EHMT1: variants seen among roughly 807,000 people sequenced by gnomAD.
EHMT1 encodes histone-lysine N-methyltransferase EHMT1.
Under a neutral mutation model 147.2 loss-of-function variants are expected in EHMT1, and 15 were observed. The ratio of observed to expected loss-of-function variants is 0.10; its 90% CI spans 0.07 to 0.16. The LOEUF (loss-of-function observed/expected upper bound fraction) is 0.16, where lower values mean the gene tolerates loss of function less well. EHMT1 is among the 10% of genes least tolerant of loss of function. The pLI is 1.00. For synonymous variants in EHMT1, 795 were observed against 709.6 expected (o/e 1.12, Z -1.91); for missense variants, 1,587 against 1,772.4 (o/e 0.90, Z 1.88).
At chr9:137,800,465 C>T (rs1029805677) in intron 17 of EHMT1, 1 of 255,860 alleles carries the variant, frequency 3.9e-6, no homozygotes, top group South Asian at 4.6e-5. Flanking sequence ...CCTGCTACAG[C>T]CCAGACTTCC....
At chr9:137,766,421 C>A (rs890732678) in intron 10 of EHMT1, among the ~76,000 whole-genome samples, 1 of 152,164 alleles carries the variant, frequency 6.6e-6, no homozygotes, top group Non-Finnish European at 1.5e-5. Context: ...TTGAGACCAT[C>A]GTGGCCAACA....
intron 1 of EHMT1, among the ~76,000 whole-genome samples, chr9:137,691,152 G>A (rs1402732958): frequency 2.0e-5 from 3 of 151,786 alleles, no homozygotes; most frequent in Non-Finnish European, 4.4e-5. Flanking sequence ...CTGTCTCTAA[G>A]ACTTGGACTA....
At chr9:137,626,612 C>T (rs950457531) in intron 1 of EHMT1, among the ~76,000 whole-genome samples, 1 of 150,710 alleles carries the variant, frequency 6.6e-6, no homozygotes, top group Non-Finnish European at 1.5e-5. Context: ...ATCTCTTAGT[C>T]TTTCTTCTAT....
chr9:137,635,077 C>T (rs936444893), intron 1 of EHMT1, among the ~76,000 whole-genome samples: 1 of 151,740 alleles, frequency 6.6e-6, no homozygotes, highest in African/African-American at 2.4e-5. Flanking sequence ...GCAAAAAAGC[C>T]TTTCAGGATC....
intron 18 of EHMT1, among the ~76,000 whole-genome samples, chr9:137,810,134 C>T (rs1194383335): frequency 7.1e-6 from 1 of 141,728 alleles, no homozygotes; most frequent in Non-Finnish European, 1.5e-5. Flanking sequence ...GAGGCGGTTC[C>T]GATGCTGCCC....
At chr9:137,743,637 G>A in intron 5 of EHMT1, 109 bp downstream of exon 5, 1 of 1,510,652 alleles carries the variant, frequency 6.6e-7, no homozygotes, top group Non-Finnish European at 9.1e-7. Flanking sequence ...GAAGGTGCCA[G>A]TGCCATGAAG....
Position 137,757,934 on chromosome 9 carries a change from A to G in EHMT1, c.1424A>G (p.Asp475Gly). The change falls in exon 9 of 27, where the codon GAC becomes GGC. Residue 475 changes from aspartate to glycine, a missense_variant. Asp to Gly is a moderately conservative substitution (Grantham distance 94, BLOSUM62 -1). Around this residue, in one of 7 missense-constraint regions of EHMT1, gnomAD observed 810 missense variants for 673.0 expected, o/e 1.20. Coordinates refer to ENST00000460843, the MANE Select transcript of EHMT1 (RefSeq NM_024757.5). Reference sequence around the variant, plus strand: ...AGCGCTGAGCAGACGGCACCAGGAGACAGCACAGGGTACATGGAAGTTTCT... The same window carrying G: ...AGCGCTGAGCAGACGGCACCAGGAGGCAGCACAGGGTACATGGAAGTTTCT... Reference protein sequence around the residue: ...AGSAEQTAPGDSTGYMEVSLD... With the variant: ...AGSAEQTAPGGSTGYMEVSLD... 2 of 1,614,040 alleles carry G rather than the reference A, an allele frequency of 1.2e-6. No individual in the cohort carries two copies. Among genetic ancestry groups the G allele is most frequent in the South Asian group, 1.1e-5 (1 of 91,070 alleles).
At chr9:137,738,384 C>T (rs961449927) in intron 4 of EHMT1, among the ~76,000 whole-genome samples, 1 of 152,062 alleles carries the variant, frequency 6.6e-6, no homozygotes, top group African/African-American at 2.4e-5. Context: ...TTGAGGACAG[C>T]AACTATCAAA....
chr9:137,743,372 T>C lies in EHMT1; in HGVS notation c.825T>C (p.Ala275=). ...TTTGACTTTTTTTTTTTTTTTTAGC[T>C]TGCTTGCCTTTTGTTTTAGCAGCTG... ...CYMATTKSQT[A]CLPFVLAAAV... The change falls in exon 5 of 27, where the codon GCT becomes GCC. Residue 275 remains alanine (A), a splice_region_variant and synonymous_variant. Coordinates refer to ENST00000460843, the MANE Select transcript of EHMT1 (RefSeq NM_024757.5). 6.3e-7 allele frequency: 1 copy of C among 1,595,278 alleles called. No individual in the cohort carries two copies. The highest frequency in any genetic ancestry group is 1.1e-5 in the South Asian group (1 of 89,040).
At position 137,766,084 on chromosome 9, in the gene EHMT1, C is replaced by T. The variant is rs1005924900; in HGVS notation, c.1647+3264C>T. ...ACCAGCCTGGGCAACATGATGAAAC[C>T]CCATCTCTTAAAAAAACTTAAACAG... On this transcript the variant is annotated intron_variant, in intron 10 of 26. Transcript: ENST00000460843. Among the ~76,000 whole-genome samples the T allele has an allele frequency of 2.9e-4, 44 of 152,052 alleles. 1 individual carries two copies. Among genetic ancestry groups the T allele is most frequent in the Non-Finnish European group, 7.4e-5 (5 of 67,998 alleles).
chr9:137,827,398 C>A (rs9410139), intron 25 of EHMT1, among the ~76,000 whole-genome samples: 80,818 of 152,032 alleles, frequency 0.53, 23,440 homozygotes, highest in East Asian at 0.9. Flanking sequence ...GAGCCACGAA[C>A]ACACCAAAGC....
At chr9:137,697,126 C>A in intron 1 of EHMT1, 1 of 394,764 alleles carries the variant, frequency 2.5e-6, no homozygotes, top group Non-Finnish European at 5.2e-6. Flanking sequence ...ACTAAAAGTG[C>A]AAAAATTAGC....
rs557913343 is a variant in EHMT1, at chr9:137,787,599, G to C, written c.2383-3249G>C. On this transcript the variant is annotated intron_variant, in intron 15 of 26. Coordinates refer to ENST00000460843, the MANE Select transcript of EHMT1 (RefSeq NM_024757.5). The surrounding 1 kb of genome is among the most constrained non-coding windows in gnomAD (Gnocchi z 4.2). ...TGCTGTGGTCGCAGACAACCGCCTC[G>C]CCTTGGCTCCCTGGCAACAAGCTGG... is the stretch of plus-strand genomic sequence containing the variant. The C allele has an allele frequency of 2.0e-6, 1 of 500,482 alleles. No homozygotes were observed. The allele number at this position is 500,482 out of a possible 1,614,324, so 31.0% of individuals were successfully genotyped here.
chr9:137,686,705 A>AG (rs1295476245), intron 1 of EHMT1, among the ~76,000 whole-genome samples: 1 of 144,804 alleles, frequency 6.9e-6, no homozygotes, highest in Non-Finnish European at 1.5e-5. Flanking sequence ...ACATGGCATG[A>AG]GGTAGGGGTC....
chr9:137,752,718 G>T (rs1309478350), intron 7 of EHMT1, among the ~76,000 whole-genome samples: 1 of 152,102 alleles, frequency 6.6e-6, no homozygotes, highest in Non-Finnish European at 1.5e-5. Context: ...CGGCAGCAAG[G>T]ACACCTGTTT....
At position 137,713,357 on chromosome 9, in the gene EHMT1, C is replaced by T. The variant is rs1235341399; in HGVS notation, c.85+2327C>T. On this transcript the variant is annotated intron_variant, in intron 2 of 26. Transcript: ENST00000460843. ...CGATCTCGGCTCACTGCAAGCTCCGCTTCCCGGGTTCACGCCATTCTTCTG... is the reference window on the plus strand; with the variant it reads ...CGATCTCGGCTCACTGCAAGCTCCGTTTCCCGGGTTCACGCCATTCTTCTG... Among the ~76,000 whole-genome samples, 3 of 150,872 alleles carry T rather than the reference C, an allele frequency of 2.0e-5. No individual in the cohort carries two copies. In the East Asian group the frequency reaches 5.9e-4, roughly 30 times the overall value.
At chr9:137,715,444 A>T in intron 2 of EHMT1, 1 of 726,712 alleles carries the variant, frequency 1.4e-6, no homozygotes, top group Non-Finnish European at 1.7e-6. Context: ...CATAGGACTT[A>T]ACGTCCTCGG....
At chr9:137,674,689 T>C (rs1403289674) in intron 1 of EHMT1, among the ~76,000 whole-genome samples, 15 of 152,252 alleles carry the variant, frequency 9.9e-5, no homozygotes, top group Non-Finnish European at 2.2e-4. Flanking sequence ...GTGCCCATGC[T>C]AGGTGCCCGG....
rs1233815153 is a variant in EHMT1, at chr9:137,814,478, C to T, written c.3228C>T (p.Gly1076=). The stretch of plus-strand genomic sequence containing the variant: ...GCTCCTCCAGCAACTGCATGTGCGG[C>T]CAGCTCAGCATGCGCTGCTGGTACG... ...DDCSSSNCMC[G]QLSMRCWYDK... The change falls in exon 22 of 27, where the codon GGC becomes GGT. Residue 1076 remains glycine (G), a synonymous_variant. Transcript: ENST00000460843. 1 of 1,609,010 alleles carries T rather than the reference C, an allele frequency of 6.2e-7. No homozygotes were observed.
Sources: allele counts gnomAD v4.1 joint callset (sites outside exome capture counted in the v4.1 genomes callset), GRCh38; gene constraint gnomAD v4.1.1; regional missense constraint gnomAD v4.1.1; non-coding constraint Gnocchi (gnomAD v3.1); transcripts MANE v1.5; gene names NCBI Gene and HGNC (gene_info 2026-07-23, HGNC 2026-07-21).